Variants in GALNT13 observed in about 807,000 individuals in gnomAD.
GALNT13 encodes UDP-GalNAc:polypeptide N-acetylgalactosaminyltransferase 13.
Under a neutral mutation model 64.2 loss-of-function variants are expected in GALNT13, and 28 were observed. The observed-to-expected ratio is 0.44, with a 90% CI of 0.32 to 0.60. The LOEUF (loss-of-function observed/expected upper bound fraction) is 0.60, where lower values mean the gene tolerates loss of function less well. Ranked by LOEUF, GALNT13 falls within the 20% of genes least tolerant of loss-of-function variation. The probability of loss-of-function intolerance (pLI) is 0.05; values close to 1 mark genes in which losing one functional copy is unlikely to be tolerated. For synonymous variants in GALNT13, 214 were observed against 224.6 expected, an observed-to-expected ratio of 0.95 and a Z score of 0.42; for missense variants, 577 against 669.8, an observed-to-expected ratio of 0.86 and a Z score of 1.53.
At chr2:153,357,234 T>G in the GALNT13 span, 1 of 152,202 alleles carries the variant, frequency 6.6e-6, no homozygotes, top group Non-Finnish European at 1.5e-5. Flanking sequence ...AATTGTATAC[T>G]TTCTGTTTTA....
the GALNT13 span, among the ~76,000 whole-genome samples, chr2:153,077,260 C>T: frequency 4.6e-5 from 7 of 151,906 alleles, no homozygotes; most frequent in Non-Finnish European, 1.0e-4. Flanking sequence ...CTCCATTGCC[C>T]TTTGAAACAA....
chr2:153,791,935 G>A, the GALNT13 span, among the ~76,000 whole-genome samples: 7 of 152,168 alleles, frequency 4.6e-5, no homozygotes, highest in South Asian at 2.1e-4. Flanking sequence ...GGAGGAGGGG[G>A]AGGATTAGAA....
At chr2:153,654,709 T>C in the GALNT13 span, among the ~76,000 whole-genome samples, 35 of 152,134 alleles carry the variant, frequency 2.3e-4, no homozygotes, top group Admixed American at 2.3e-3. Flanking sequence ...TCACATGGTA[T>C]TCATTATTAT....
At chr2:154,325,298 T>C (rs1694822324) in intron 9 of GALNT13, among the ~76,000 whole-genome samples, 3 of 152,138 alleles carry the variant, frequency 2.0e-5, no homozygotes, top group Admixed American at 6.6e-5. Context: ...AAAACTTTGC[T>C]TCTGTTCTCA....
intron 1 of GALNT13, among the ~76,000 whole-genome samples, chr2:153,885,608 T>C (rs1687119818): frequency 6.6e-6 from 1 of 152,108 alleles, no homozygotes; most frequent in East Asian, 1.9e-4. Flanking sequence ...ATAGAGGCAG[T>C]ACATTTTATA....
At chr2:153,586,756 T>C in the GALNT13 span, among the ~76,000 whole-genome samples, 2 of 151,854 alleles carry the variant, frequency 1.3e-5, no homozygotes, top group East Asian at 1.9e-4. Flanking sequence ...GCATGAAATA[T>C]TCCTTAAGAC....
At chr2:154,069,542 ATATT>A (rs1700638080) in intron 3 of GALNT13, among the ~76,000 whole-genome samples, 1 of 152,038 alleles carries the variant, frequency 6.6e-6, no homozygotes, top group African/African-American at 2.4e-5. Context: ...ATTCTAATCT[ATATT>A]TAAGCATGTT....
chr2:153,986,962 A>G (rs995987155), intron 3 of GALNT13, among the ~76,000 whole-genome samples: 2 of 151,900 alleles, frequency 1.3e-5, no homozygotes, highest in Non-Finnish European at 2.9e-5. Flanking sequence ...TTCCTTCTGG[A>G]TGTTGTTTGG....
At chr2:153,117,426 A>T in the GALNT13 span, among the ~76,000 whole-genome samples, 1 of 152,198 alleles carries the variant, frequency 6.6e-6, no homozygotes, top group African/African-American at 2.4e-5. Context: ...GGATCCTCAT[A>T]AAGTGGAATG....
the GALNT13 span, among the ~76,000 whole-genome samples, chr2:153,248,578 C>G: frequency 6.6e-6 from 1 of 151,840 alleles, no homozygotes; most frequent in East Asian, 1.9e-4. Flanking sequence ...CTTTGGGAGG[C>G]TGAGGAGGGC....
the GALNT13 span, among the ~76,000 whole-genome samples, chr2:153,407,405 A>T: frequency 6.6e-6 from 1 of 152,218 alleles, no homozygotes; most frequent in South Asian, 2.1e-4. Context: ...TTAAATGCTC[A>T]ACTGGCTGAA....
At chr2:154,370,294 A>G (rs1490107420) in intron 9 of GALNT13, among the ~76,000 whole-genome samples, 1 of 152,164 alleles carries the variant, frequency 6.6e-6, no homozygotes, top group Admixed American at 6.6e-5. Flanking sequence ...TCCAAAAATC[A>G]TTGAACAGGT....
At chr2:154,366,142 A>G (rs141588267) in intron 9 of GALNT13, among the ~76,000 whole-genome samples, 8 of 152,256 alleles carry the variant, frequency 5.3e-5, no homozygotes, top group African/African-American at 1.7e-4. Context: ...ATTAGGAAAG[A>G]TTTAGTGTCA....
intron 1 of GALNT13, among the ~76,000 whole-genome samples, chr2:153,889,746 T>G (rs1437021137): frequency 6.6e-6 from 1 of 152,050 alleles, no homozygotes; most frequent in East Asian, 1.9e-4. Context: ...GCAGTCAGTA[T>G]ACATAATCAA....
chr2:153,862,960 T>G, the GALNT13 span, among the ~76,000 whole-genome samples: 1 of 152,166 alleles, frequency 6.6e-6, no homozygotes, highest in Admixed American at 6.5e-5. Flanking sequence ...TCCTACTGGA[T>G]GAGTCATTCT....
chr2:153,411,642 T>C, the GALNT13 span, among the ~76,000 whole-genome samples: 11 of 152,306 alleles, frequency 7.2e-5, no homozygotes, highest in Middle Eastern at 3.4e-3. Context: ...TGCTGGATCA[T>C]GCTGGGCCGT....
the GALNT13 span, among the ~76,000 whole-genome samples, chr2:153,424,072 C>T: frequency 1.1e-3 from 164 of 149,918 alleles, no homozygotes; most frequent in Non-Finnish European, 1.9e-3. Context: ...CTGAACAGAT[C>T]GAGCCATGTA....
At chr2:154,261,934 A>G (rs1690720794) in intron 8 of GALNT13, among the ~76,000 whole-genome samples, 1 of 152,120 alleles carries the variant, frequency 6.6e-6, no homozygotes, top group Non-Finnish European at 1.5e-5. Flanking sequence ...GCAAAATGTT[A>G]AGATTCTGAC....
chr2:154,226,975 T>C (rs986664607), intron 4 of GALNT13, among the ~76,000 whole-genome samples: 3 of 152,154 alleles, frequency 2.0e-5, no homozygotes, highest in African/African-American at 7.2e-5. Context: ...ATTTTTGCTG[T>C]ATGCAGAGAG....
Sources: allele counts gnomAD v4.1 joint callset (sites outside exome capture counted in the v4.1 genomes callset), GRCh38; gene constraint gnomAD v4.1.1; transcripts MANE v1.5; gene names NCBI Gene and HGNC (gene_info 2026-07-23, HGNC 2026-07-21).